The following MGMT variants were observed in gnomAD, a reference collection of about 807,000 sequenced individuals.
The protein encoded by MGMT is methylated-DNA--protein-cysteine methyltransferase.
A neutral mutation model predicts 15.9 loss-of-function variants in MGMT; 14 were observed. That is an observed-to-expected ratio of 0.88 (90% CI 0.58 to 1.37). MGMT has a LOEUF of 1.37. Among genes scored for constraint, MGMT ranks in the 40% most tolerant of loss-of-function variants. MGMT has a pLI of 0.00. For synonymous variants in MGMT, 130 were observed against 118.2 expected, an observed-to-expected ratio of 1.10 and a Z score of -0.65; for missense variants, 282 against 268.1, an observed-to-expected ratio of 1.05 and a Z score of -0.36.
chr10:129,611,685 G>T (rs1250889826), intron 2 of MGMT, among the ~76,000 whole-genome samples: 2 of 152,208 alleles, frequency 1.3e-5, no homozygotes, highest in East Asian at 3.9e-4. Context: ...AGAATGACCT[G>T]TAGAGTCATC....
chr10:129,668,173 T>C (rs1465933315), intron 2 of MGMT, among the ~76,000 whole-genome samples: 1 of 152,164 alleles, frequency 6.6e-6, no homozygotes, highest in Non-Finnish European at 1.5e-5. Context: ...AGAAAACATA[T>C]TCTCCTATGT....
intron 2 of MGMT, among the ~76,000 whole-genome samples, chr10:129,647,004 C>T (rs1847404207): frequency 1.3e-5 from 2 of 151,898 alleles, no homozygotes; most frequent in South Asian, 4.2e-4. Context: ...AAATGAGGGG[C>T]AGTTCCCTTC....
At chr10:129,468,103 T>C (rs1159133679) in intron 1 of MGMT, among the ~76,000 whole-genome samples, 4 of 152,076 alleles carry the variant, frequency 2.6e-5, no homozygotes, top group Non-Finnish European at 4.4e-5. Context: ...CACAGAGAGC[T>C]GAGAATTAGA....
intron 4 of MGMT, among the ~76,000 whole-genome samples, chr10:129,764,522 G>A (rs1848910906): frequency 6.6e-6 from 1 of 152,256 alleles, no homozygotes; most frequent in Non-Finnish European, 1.5e-5. Context: ...AATAGAGCTT[G>A]GAGATGCTGG....
At chr10:129,589,242 C>A (rs897874859) in intron 2 of MGMT, among the ~76,000 whole-genome samples, 3 of 152,224 alleles carry the variant, frequency 2.0e-5, no homozygotes, top group African/African-American at 7.2e-5. Flanking sequence ...TCTGGTGTCT[C>A]ATGAGTGGCT....
intron 2 of MGMT, among the ~76,000 whole-genome samples, chr10:129,542,165 A>T (rs1846049143): frequency 6.6e-6 from 1 of 152,144 alleles, no homozygotes; most frequent in Non-Finnish European, 1.5e-5. Flanking sequence ...CTGCAGCAGG[A>T]GGTGACCTGC....
intron 3 of MGMT, among the ~76,000 whole-genome samples, chr10:129,741,453 G>C (rs2133171943): frequency 6.6e-6 from 1 of 152,356 alleles, no homozygotes; most frequent in African/African-American, 2.4e-5. Context: ...CCCCTGCATG[G>C]GAAAGGAGGC....
intron 2 of MGMT, among the ~76,000 whole-genome samples, chr10:129,612,985 A>G (rs767090064): frequency 2.6e-5 from 4 of 152,044 alleles, no homozygotes; most frequent in Non-Finnish European, 5.9e-5. Context: ...GTTACTCACC[A>G]TGTTATAGCC....
At chr10:129,757,585 G>A (rs929295721) in intron 3 of MGMT, among the ~76,000 whole-genome samples, 6 of 152,148 alleles carry the variant, frequency 3.9e-5, no homozygotes, top group African/African-American at 1.4e-4. Flanking sequence ...AGCTGTCCCC[G>A]AAATCTCTTT....
chr10:129,706,300 G>A (rs568843825), intron 2 of MGMT, among the ~76,000 whole-genome samples: 16 of 152,330 alleles, frequency 1.1e-4, no homozygotes, highest in African/African-American at 2.9e-4. Flanking sequence ...GAGTTGGGAC[G>A]GTGCTCCCGG....
At chr10:129,684,158 C>T (rs1415112614) in intron 2 of MGMT, among the ~76,000 whole-genome samples, 1 of 152,262 alleles carries the variant, frequency 6.6e-6, no homozygotes, top group East Asian at 1.9e-4. Flanking sequence ...GCTATCTAAA[C>T]CACTTCACCT....
intron 3 of MGMT, among the ~76,000 whole-genome samples, chr10:129,740,961 C>T (rs552991312): frequency 6.6e-6 from 1 of 152,340 alleles, no homozygotes; most frequent in African/African-American, 2.4e-5. Flanking sequence ...AGTGCCCCTA[C>T]CCGTTTCCCT....
At chr10:129,610,429 C>G (rs1249272887) in intron 2 of MGMT, among the ~76,000 whole-genome samples, 1 of 152,226 alleles carries the variant, frequency 6.6e-6, no homozygotes, top group African/African-American at 2.4e-5. Context: ...TATGCCCCAC[C>G]CCAGGGCCTT....
At chr10:129,478,135 G>A (rs915026661) in intron 1 of MGMT, among the ~76,000 whole-genome samples, 8 of 152,162 alleles carry the variant, frequency 5.3e-5, no homozygotes, top group Admixed American at 2.0e-4. Flanking sequence ...AGGAACCTGC[G>A]CCCTGATGGG....
chr10:129,611,182 G>A (rs2133068384), intron 2 of MGMT, among the ~76,000 whole-genome samples: 1 of 152,268 alleles, frequency 6.6e-6, no homozygotes, highest in South Asian at 2.1e-4. Flanking sequence ...TTCTCACACT[G>A]CTATTAGCAT....
At chr10:129,520,543 GC>G (rs1564840975) in intron 1 of MGMT, among the ~76,000 whole-genome samples, 1 of 148,064 alleles carries the variant, frequency 6.8e-6, no homozygotes, top group African/African-American at 2.5e-5. Context: ...CATGTACAGA[GC>G]CCCTACCGTG....
At chr10:129,674,745 G>T (rs1290048534) in intron 2 of MGMT, among the ~76,000 whole-genome samples, 1 of 152,232 alleles carries the variant, frequency 6.6e-6, no homozygotes, top group African/African-American at 2.4e-5. Context: ...CCTCCCCTGG[G>T]CTCTATCCTG....
intron 2 of MGMT, among the ~76,000 whole-genome samples, chr10:129,613,783 G>T (rs1381542066): frequency 6.6e-6 from 1 of 152,208 alleles, no homozygotes; most frequent in South Asian, 2.1e-4. Flanking sequence ...GCGTCACGCA[G>T]TGTCATGAGA....
chr10:129,684,291 A>G (rs1039328809), intron 2 of MGMT, among the ~76,000 whole-genome samples: 1 of 152,204 alleles, frequency 6.6e-6, no homozygotes, highest in Non-Finnish European at 1.5e-5. Context: ...ATAACTGCCG[A>G]AGACTCTGGG....
Sources: gnomAD v4.1 joint callset for allele counts (sites outside exome capture counted in the v4.1 genomes callset) on GRCh38, gnomAD v4.1.1 for gene constraint, MANE v1.5 for transcripts, NCBI Gene and HGNC (gene_info 2026-07-23, HGNC 2026-07-21) for gene names.